TMEM164: variants seen among roughly 807,000 people sequenced by gnomAD.
TMEM164 encodes RP13-360B22.2.
Under a neutral mutation model 18.8 loss-of-function variants are expected in TMEM164, and 4 were observed. The ratio of observed to expected loss-of-function variants is 0.21; its 90% CI spans 0.10 to 0.49. TMEM164 has a LOEUF of 0.49. Ranked by LOEUF, TMEM164 falls within the 20% of genes least tolerant of loss-of-function variation. TMEM164 has a pLI of 0.98. For missense variants in TMEM164, 108 were observed against 239.9 expected, an observed-to-expected ratio of 0.45 and a Z score of 3.63; for synonymous variants, 86 against 101.7, an observed-to-expected ratio of 0.85 and a Z score of 0.93.
intron 3 of TMEM164, among the ~76,000 whole-genome samples, chrX:110,080,017 G>T (rs1026698332): frequency 9.0e-6 from 1 of 111,445 alleles, no homozygotes; most frequent in Non-Finnish European, 1.9e-5. Context: ...GTAAACTGCT[G>T]ATTTCTTCTG....
At chrX:110,021,994 T>C (rs1933900338) in intron 2 of TMEM164, among the ~76,000 whole-genome samples, 1 of 111,399 alleles carries the variant, frequency 9.0e-6, no homozygotes, top group Non-Finnish European at 1.9e-5. Context: ...GCTGCATCTC[T>C]CAGTCACCTA....
At chrX:110,084,232 G>T (rs2065799810) in intron 3 of TMEM164, among the ~76,000 whole-genome samples, 1 of 104,435 alleles carries the variant, frequency 9.6e-6, no homozygotes, top group African/African-American at 3.5e-5. Flanking sequence ...GGCCAGGTGT[G>T]GTGGCTCACG....
At chrX:110,020,554 C>T in intron 2 of TMEM164, 1 of 754,311 alleles carries the variant, frequency 1.3e-6, no homozygotes, top group Non-Finnish European at 1.6e-6. Context: ...ACGGAGCAGC[C>T]ATCCAGGAAG....
Position 110,003,815 on chromosome X carries a change from A to T in TMEM164, c.41A>T (p.Tyr14Phe). The change falls in exon 2 of 7, where the codon TAT (tyrosine) becomes TTT (phenylalanine). Residue 14 changes from tyrosine (Y) to phenylalanine (F), a missense_variant. By Grantham distance (22) the Tyr-to-Phe change is conservative. Transcript: ENST00000372068. The part of the protein sequence containing the change: ...YSYQSLLDWL[Y>F]GGVDPSFAGN... ...TACCAGAGTCTCCTGGACTGGCTCT[A>T]TGGGGGCGTGGACCCCAGTTTTGCA... 2 of 1,209,692 alleles carry T rather than the reference A, an allele frequency of 1.7e-6. No homozygotes were observed. Among genetic ancestry groups the T allele is most frequent in the Non-Finnish European group, 1.1e-6 (1 of 894,556 alleles).
At chrX:110,129,599 C>T (rs1310690081) in intron 4 of TMEM164, among the ~76,000 whole-genome samples, 2 of 112,473 alleles carry the variant, frequency 1.8e-5, no homozygotes, top group African/African-American at 6.5e-5. Context: ...AATATTTTAT[C>T]CAGGACTTTT....
At chrX:110,016,912 C>G (rs1407901150) in intron 2 of TMEM164, among the ~76,000 whole-genome samples, 6 of 111,584 alleles carry the variant, frequency 5.4e-5, no homozygotes, top group African/African-American at 2.0e-4. Context: ...CTGCATCAGC[C>G]TCCCAAAGTG....
intron 3 of TMEM164, among the ~76,000 whole-genome samples, chrX:110,083,495 T>C (rs2065788407): frequency 9.0e-6 from 1 of 111,161 alleles, no homozygotes; most frequent in Non-Finnish European, 1.9e-5. Flanking sequence ...CTCTGCAGCC[T>C]AGCGCATTAC....
At chrX:110,115,680 G>GCTTC (rs2066351917) in intron 4 of TMEM164, among the ~76,000 whole-genome samples, 1 of 112,156 alleles carries the variant, frequency 8.9e-6, no homozygotes, top group Non-Finnish European at 1.9e-5. Flanking sequence ...TGCTGCAGAA[G>GCTTC]ATACAAAAAC....
At chrX:110,030,893 A>G (rs1007401720) in intron 2 of TMEM164, among the ~76,000 whole-genome samples, 26 of 111,194 alleles carry the variant, frequency 2.3e-4, no homozygotes, top group African/African-American at 7.5e-4. Flanking sequence ...TGTGTCTTAT[A>G]ATTTTTAAAA....
intron 4 of TMEM164, among the ~76,000 whole-genome samples, chrX:110,131,196 A>T (rs1224623971): frequency 8.9e-6 from 1 of 111,861 alleles, no homozygotes; most frequent in African/African-American, 3.3e-5. Context: ...CAGGGAGTAG[A>T]TTAACCAGAT....
rs1421121063 is a variant in TMEM164, at chrX:110,108,451, TTTC to T, written c.441-620_441-618del. 9.9e-5 allele frequency among the ~76,000 whole-genome samples: 11 copies of T among 110,618 alleles called. No individual in the cohort carries two copies. In the East Asian group the frequency reaches 1.7e-3, roughly 18 times the overall value. ...TTAACCAGTGCTGGAGACCAGTGGT[TTTC>T]TTCTTCTTTTTTCTTTTTGTTTTGC... is the stretch of plus-strand genomic sequence containing the variant. On this transcript the variant is annotated intron_variant, in intron 3 of 6. Coordinates refer to ENST00000372068, the MANE Select transcript of TMEM164 (RefSeq NM_032227.4).
intron 6 of TMEM164, among the ~76,000 whole-genome samples, chrX:110,173,037 T>C (rs1473350869): frequency 8.9e-6 from 1 of 111,971 alleles, no homozygotes; most frequent in East Asian, 2.8e-4. Flanking sequence ...GCTTTTCCAC[T>C]AGACGGCCCT....
At position 110,112,860 on chromosome X, in the gene TMEM164, T is replaced by C. The variant is rs192526281; in HGVS notation, c.507+3714T>C. Reference sequence around the variant, plus strand: ...CCACTGTAATGGCCTCCTTTGAACCTAATCACCTCTTTGAAGGCCCTTTCT... The same window carrying C: ...CCACTGTAATGGCCTCCTTTGAACCCAATCACCTCTTTGAAGGCCCTTTCT... On this transcript the variant is annotated intron_variant, in intron 4 of 6. Coordinates refer to ENST00000372068, the MANE Select transcript of TMEM164 (RefSeq NM_032227.4). Among the ~76,000 whole-genome samples the C allele has an allele frequency of 9.8e-4, 109 of 111,685 alleles. 1 individual carries two copies. The highest frequency in any genetic ancestry group is 3.2e-3 in the African/African-American group (98 of 30,778).
intron 2 of TMEM164, among the ~76,000 whole-genome samples, chrX:110,058,767 G>A (rs1232082898): frequency 1.9e-5 from 2 of 106,012 alleles, no homozygotes; most frequent in Non-Finnish European, 3.9e-5. Flanking sequence ...ACAGGCATGT[G>A]ATGTGCCACA....
At chrX:110,115,904 A>G (rs780358645) in intron 4 of TMEM164, among the ~76,000 whole-genome samples, 30 of 111,544 alleles carry the variant, frequency 2.7e-4, no homozygotes, top group Admixed American at 8.6e-4. Flanking sequence ...AGCCTGAGCA[A>G]CATATAAGAC....
At position 110,118,922 on chromosome X, in the gene TMEM164, G is replaced by T. The variant is rs189190566; in HGVS notation, c.507+9776G>T. Among the ~76,000 whole-genome samples, 909 of 111,719 alleles carry T rather than the reference G, an allele frequency of 8.1e-3. 6 individuals carry two copies. The highest frequency in any genetic ancestry group is 0.026 in the African/African-American group (798 of 30,804). On this transcript the variant is annotated intron_variant, in intron 4 of 6. Coordinates refer to ENST00000372068, the MANE Select transcript of TMEM164 (RefSeq NM_032227.4). ...TACATAGCCTTGTACTTAGCACCTG[G>T]TAGATATCTATAGATAGAATAAATG...
At chrX:110,100,472 T>C (rs1238810579) in intron 3 of TMEM164, among the ~76,000 whole-genome samples, 3 of 112,239 alleles carry the variant, frequency 2.7e-5, no homozygotes, top group Non-Finnish European at 5.6e-5. Flanking sequence ...TTAGTCTTTT[T>C]TAGTCTTTTC....
At chrX:110,040,363 G>A (rs1224367782) in intron 2 of TMEM164, among the ~76,000 whole-genome samples, 2 of 111,308 alleles carry the variant, frequency 1.8e-5, no homozygotes, top group African/African-American at 6.5e-5. Context: ...TTACATTTTA[G>A]TAGAACGACT....
rs771656190 is a variant in TMEM164 at position 110,095,962 on chromosome X, C to T, written c.441-13118C>T. On this transcript the variant is annotated intron_variant, in intron 3 of 6. Transcript: ENST00000372068. ...TTTGCTGGACGTCCACTCCAGAACC[C>T]GTTTGCCTGGGTATCACCAGCGGAG... 1.2e-4 allele frequency among the ~76,000 whole-genome samples: 14 copies of T among 112,459 alleles called. No homozygotes were observed. In the South Asian group the frequency reaches 1.5e-3, roughly 12 times the overall value.
Sources: gnomAD v4.1 joint callset for allele counts (sites outside exome capture counted in the v4.1 genomes callset) on GRCh38, gnomAD v4.1.1 for gene constraint, MANE v1.5 for transcripts, NCBI Gene and HGNC (gene_info 2026-07-23, HGNC 2026-07-21) for gene names.